PLEC: variants seen among roughly 807,000 people sequenced by gnomAD.
PLEC encodes the protein plectin.
In PLEC, 216 loss-of-function variants were observed where a neutral mutation model predicts 392.8. That is an observed-to-expected ratio of 0.55 (90% CI 0.49 to 0.62). The LOEUF is 0.62. Ranked by LOEUF, PLEC falls within the 20% of genes least tolerant of loss-of-function variation. The pLI is 0.00. For synonymous variants in PLEC, 3,621 were observed against 2,980.6 expected, an observed-to-expected ratio of 1.21 and a Z score of -7.00; for missense variants, 6,863 against 6,563.4, an observed-to-expected ratio of 1.05 and a Z score of -1.58.
chr8:143,916,256 T>G lies in PLEC; in HGVS notation c.13565A>C (p.Tyr4522Ser), dbSNP rs1313708722. The stretch of plus-strand genomic sequence containing the variant: ...GCGGCGGCCGTAGCCCGAGGAGGAG[T>G]AGGAGGATGAAGAGAAGGTCATGGA... ...GFSMTFSSSS[Y>S]SSSGYGRRYA... Residue 4522 changes from tyrosine (Y) to serine (S), a missense_variant, in exon 32 of 32, where the codon TAC becomes TCC. Coordinates refer to ENST00000345136, the MANE Select transcript of PLEC (RefSeq NM_201384.3). 1.2e-5 allele frequency: 19 copies of G among 1,544,914 alleles called. No homozygotes were observed. The highest frequency in any genetic ancestry group is 2.1e-4 in the Middle Eastern group (1 of 4,778).
intron 1 of PLEC, among the ~76,000 whole-genome samples, chr8:143,961,979 C>A (rs1487016356): frequency 6.6e-6 from 1 of 152,032 alleles, no homozygotes; most frequent in East Asian, 1.9e-4. Flanking sequence ...ACGTGCCCAG[C>A]CCACTGTGCA....
chr8:143,975,126 A>G (rs1554745576), upstream of PLEC: 2 of 1,575,046 alleles, frequency 1.3e-6, no homozygotes, highest in Non-Finnish European at 1.7e-6. The surrounding 1 kb of genome is among the most constrained non-coding windows in gnomAD (Gnocchi z 9.9). Flanking sequence ...GCGGGAACTC[A>G]GTCAACCTCG....
intron 1 of PLEC, among the ~76,000 whole-genome samples, chr8:143,949,654 C>T (rs72695403): frequency 0.021 from 3,235 of 152,360 alleles, 48 homozygotes; most frequent in Non-Finnish European, 0.033. Context: ...CCAGGGCCGT[C>T]CCCAGCCACC....
chr8:143,946,555 C>T lies in PLEC; in HGVS notation c.523+3629G>A, dbSNP rs149224563. 462 of 420,908 alleles carry T rather than the reference C, an allele frequency of 1.1e-3. 3 individuals are homozygous for T. Among genetic ancestry groups the T allele is most frequent in the Middle Eastern group, 1.7e-3 (2 of 1,192 alleles). The allele number at this position is 420,908 out of a possible 1,614,324, so 26.1% of individuals were successfully genotyped here. A position where few individuals can be genotyped will look rare whatever the true frequency, so the allele number is the denominator to read the frequency against. Reference sequence around the variant, plus strand: ...TCAGTAAGCAGAGATGAAGCCCAGCCGACTGACGGGTCAGACCAGCCCAGC... The same window carrying T: ...TCAGTAAGCAGAGATGAAGCCCAGCTGACTGACGGGTCAGACCAGCCCAGC... On this transcript the variant is annotated intron_variant, in intron 1 of 31. Coordinates refer to the PLEC transcript ENST00000322810.
At position 143,927,923 on chromosome 8, in the gene PLEC, C is replaced by T; in HGVS notation, c.3330G>A (p.Glu1110=). 3 of 1,601,666 alleles carry T rather than the reference C, an allele frequency of 1.9e-6. No homozygotes were observed. Among genetic ancestry groups the T allele is most frequent in the East Asian group, 4.5e-5 (2 of 44,354 alleles). The part of the protein sequence containing the change: ...GAEEVLRAHE[E]QLKEAQAVPA... Reference sequence around the variant, plus strand: ...GCACGGCCTGGGCCTCCTTGAGCTGCTCCTCGTGGGCCCTGAGCACCTCCT... The same window carrying T: ...GCACGGCCTGGGCCTCCTTGAGCTGTTCCTCGTGGGCCCTGAGCACCTCCT... The change falls in exon 26 of 32, where the codon GAG becomes GAA. Residue 1110 remains glutamate (E), a synonymous_variant. Coordinates refer to ENST00000345136, the MANE Select transcript of PLEC (RefSeq NM_201384.3).
intron 19 of PLEC, 124 bp downstream of exon 19, chr8:143,931,410 C>T (rs1827204933): frequency 1.1e-6 from 1 of 899,230 alleles, no homozygotes; most frequent in African/African-American, 1.6e-5. Context: ...GACCTCTACA[C>T]CTCCCATGGT....
chr8:143,950,362 G>T, exon 1 of PLEC: 1 of 1,589,970 alleles, frequency 6.3e-7, no homozygotes. Flanking sequence ...CAGCCTGCAC[G>T]TGGGGGGTGC....
Position 143,921,694 on chromosome 8 carries a change from C to T in PLEC, c.8127G>A (p.Lys2709=), listed in dbSNP as rs2131187514. The change falls in exon 32 of 32, where the codon AAG becomes AAA. Residue 2709 remains lysine (K), a synonymous_variant. Coordinates refer to ENST00000345136, the MANE Select transcript of PLEC (RefSeq NM_201384.3). ...TCTGCAGGGCGGCGTAAACACTCAG[C>T]TTCTCATTGGTGGCCTTCAGCAACA... ...AGLLLKATNE[K]LSVYAALQRQ... 1.2e-6 allele frequency: 2 copies of T among 1,613,138 alleles called. No individual in the cohort carries two copies. Among genetic ancestry groups the T allele is most frequent in the South Asian group, 2.2e-5 (2 of 91,088 alleles).
Position 143,921,650 on chromosome 8 carries a change from C to A in PLEC, c.8171G>T (p.Gly2724Val). Residue 2724 changes from glycine (G) to valine (V), a missense_variant, in exon 32 of 32, where the codon GGC becomes GTC. Coordinates refer to ENST00000345136, the MANE Select transcript of PLEC (RefSeq NM_201384.3). ...AALQRQLLSP[G>V]TALILLEAQA... ...CGCCTCCAGCAGGATGAGGGCCGTG[C>A]CGGGACTCAGCAGCTGCCTCTGCAG... is the stretch of plus-strand genomic sequence containing the variant. 6.2e-7 allele frequency: 1 copy of A among 1,613,042 alleles called. No individual in the cohort carries two copies. The highest frequency in any genetic ancestry group is 8.5e-7 in the Non-Finnish European group (1 of 1,179,910).
At chr8:143,967,378 A>G (rs1382930074) in intron 1 of PLEC, among the ~76,000 whole-genome samples, 5 of 151,318 alleles carry the variant, frequency 3.3e-5, no homozygotes, top group African/African-American at 4.8e-5. Flanking sequence ...AAAAAAAAAA[A>G]AAAAAAAAAA....
rs782086784 is a variant in PLEC at position 143,923,754 on chromosome 8, G to A, written c.6175C>T (p.Gln2059Ter). 1 of 1,554,044 alleles carries A rather than the reference G, an allele frequency of 6.4e-7. No individual in the cohort carries two copies. The highest frequency in any genetic ancestry group is 8.6e-7 in the Non-Finnish European group (1 of 1,156,962). The change falls in exon 31 of 32, where the codon CAG (glutamine) becomes TAG (stop). Residue 2059 changes from glutamine to a stop codon, truncating the protein, a stop_gained. Transcript: ENST00000345136. LOFTEE classifies it high-confidence loss of function. Reference protein sequence around the residue: ...AEEKAHAFAVQQKEQELQQTL... With the variant: ...AEEKAHAFAV ...TGCTGTAGCTCCTGCTCCTTCTGCT[G>A]CACCGCGAAGGCGTGTGCCTTCTCT...
At chr8:143,929,069 C>A (rs1554710097) in intron 25 of PLEC, 34 bp downstream of exon 25, 22 of 1,546,302 alleles carry the variant, frequency 1.4e-5, no homozygotes, top group Non-Finnish European at 1.9e-5. Context: ...CCCCAGCCGA[C>A]CCCAGCCCCT....
upstream of PLEC, among the ~76,000 whole-genome samples, chr8:143,956,916 C>G (rs550777648): frequency 6.6e-6 from 1 of 152,356 alleles, no homozygotes; most frequent in South Asian, 2.1e-4. Context: ...GTGGTTCCTT[C>G]CCGGCACAGG....
Position 143,919,135 on chromosome 8 carries a change from C to A in PLEC, c.10686G>T (p.Glu3562Asp). Residue 3562 changes from glutamate (E) to aspartate (D), a missense_variant, in exon 32 of 32, where the codon GAG becomes GAT. Physicochemically the swap from Glu to Asp is conservative, Grantham distance 45. Transcript: ENST00000345136. ...GTGTCTCTTCAAATGCCCTTCTTGT[C>A]TCCTCCTCAGTGTACACCTGCGTGG... The part of the protein sequence containing the change: ...VETTQVYTEE[E>D]TRRAFEETQI... 6.2e-7 allele frequency: 1 copy of A among 1,613,314 alleles called. No individual in the cohort carries two copies. The highest frequency in any genetic ancestry group is 8.5e-7 in the Non-Finnish European group (1 of 1,180,036).
At position 143,924,169 on chromosome 8, in the gene PLEC, C is replaced by T. The variant is rs782157298; in HGVS notation, c.5760G>A (p.Arg1920=). The T allele has an allele frequency of 1.3e-6, 2 of 1,599,104 alleles. No homozygotes were observed. The highest frequency in any genetic ancestry group is 2.2e-5 in the East Asian group (1 of 44,834). ...CCAGGATCTCCTCCTCCACCTGCCG[C>T]CGCTGCCTCAGCGTGTCCTCCACCA... is the stretch of plus-strand genomic sequence containing the variant. ...KGLVEDTLRQ[R]RQVEEEILAL... Residue 1920 remains arginine (R), a synonymous_variant, in exon 31 of 32, where the codon CGG becomes CGA. Coordinates refer to ENST00000345136, the MANE Select transcript of PLEC (RefSeq NM_201384.3).
At position 143,925,494 on chromosome 8, in the gene PLEC, G is replaced by A. The variant is rs782801825; in HGVS notation, c.4435C>T (p.Arg1479Cys). Residue 1479 changes from arginine (R) to cysteine (C), a missense_variant, in exon 31 of 32, where the codon CGT becomes TGT. Arg to Cys is a radical substitution (Grantham distance 180). Transcript: ENST00000345136. ...GGAEGELQAL[R>C]ARAEEAEAQK... The stretch of plus-strand genomic sequence containing the variant: ...GCCTCAGCCTCCTCCGCCCGTGCAC[G>A]CAGTGCCTGCAGCTCCCCCTCAGCC... The A allele has an allele frequency of 3.5e-5, 56 of 1,595,650 alleles. No homozygotes were observed. Among genetic ancestry groups the A allele is most frequent in the Non-Finnish European group, 4.6e-5 (54 of 1,178,040 alleles).
upstream of PLEC, chr8:143,939,617 T>C (rs1199109918): frequency 1.4e-6 from 2 of 1,469,016 alleles, no homozygotes; most frequent in Non-Finnish European, 9.0e-7. Flanking sequence ...GGCCACTCCC[T>C]GCCTGCTGTA....
intron 3 of PLEC, among the ~76,000 whole-genome samples, 177 bp downstream of exon 3, chr8:143,937,974 C>T (rs1554724863): frequency 6.6e-6 from 1 of 152,160 alleles, no homozygotes; most frequent in Non-Finnish European, 1.5e-5. Flanking sequence ...TGATGCCCAG[C>T]AGCCTGGGCG....
chr8:143,916,462 G>A lies in PLEC; in HGVS notation c.13359C>T (p.Ser4453=), dbSNP rs782308840. The A allele has an allele frequency of 1.9e-6, 3 of 1,611,826 alleles. No individual in the cohort carries two copies. Among genetic ancestry groups the A allele is most frequent in the South Asian group, 1.1e-5 (1 of 91,090 alleles). The part of the protein sequence containing the change: ...KISYKDALDR[S]MVEEGTGLRL... Reference sequence around the variant, plus strand: ...GCAGCCCCGTGCCCTCCTCCACCATGCTGCGGTCCAGCGCGTCCTTATAGG... The same window carrying A: ...GCAGCCCCGTGCCCTCCTCCACCATACTGCGGTCCAGCGCGTCCTTATAGG... The change falls in exon 32 of 32, where the codon AGC becomes AGT. Residue 4453 remains serine (S), a synonymous_variant. Coordinates refer to ENST00000345136, the MANE Select transcript of PLEC (RefSeq NM_201384.3).
Sources: gnomAD v4.1 joint callset for allele counts (sites outside exome capture counted in the v4.1 genomes callset) on GRCh38, gnomAD v4.1.1 for gene constraint, Gnocchi (gnomAD v3.1) non-coding constraint, MANE v1.5 for transcripts, NCBI Gene and HGNC (gene_info 2026-07-23, HGNC 2026-07-21) for gene names.